AUTS2: variants seen among roughly 807,000 people sequenced by gnomAD.
AUTS2 encodes the protein activator of transcription and developmental regulator AUTS2, also known as autism susceptibility gene 2 protein.
AUTS2 carries 17 observed loss-of-function variants against 112.4 expected under a neutral mutation model. That is an observed-to-expected ratio of 0.15 (90% CI 0.10 to 0.23). The LOEUF is 0.23. Ranked by LOEUF, AUTS2 falls within the 10% of genes least tolerant of loss-of-function variation. The pLI, the probability that AUTS2 is intolerant of heterozygous loss-of-function variation, is 1.00. For synonymous variants in AUTS2, 751 were observed against 702.7 expected, an observed-to-expected ratio of 1.07 and a Z score of -1.09; for missense variants, 1,510 against 1,701.6, an observed-to-expected ratio of 0.89 and a Z score of 1.98.
chr7:69,728,223 G>A (rs191944310), intron 1 of AUTS2, among the ~76,000 whole-genome samples: 5 of 152,304 alleles, frequency 3.3e-5, no homozygotes, highest in Admixed American at 3.3e-4. Flanking sequence ...TCTCCCTGGG[G>A]CACATGGAGC....
At chr7:70,270,041 A>C (rs1437306082) in intron 4 of AUTS2, among the ~76,000 whole-genome samples, 1 of 150,984 alleles carries the variant, frequency 6.6e-6, no homozygotes, top group Non-Finnish European at 1.5e-5. Context: ...CTTGTCTCAA[A>C]AAAAACAAAC....
intron 5 of AUTS2, among the ~76,000 whole-genome samples, chr7:70,628,185 G>T (rs989183467): frequency 6.6e-6 from 1 of 152,088 alleles, no homozygotes; most frequent in African/African-American, 2.4e-5. Context: ...GTAAGCAGAG[G>T]CCAGATCAAA....
At chr7:69,818,837 A>G (rs1276407136) in intron 1 of AUTS2, among the ~76,000 whole-genome samples, 1 of 152,192 alleles carries the variant, frequency 6.6e-6, no homozygotes, top group Admixed American at 6.5e-5. Flanking sequence ...ATGCTCATAA[A>G]CACCTGGGTC....
chr7:69,610,361 G>C (rs976512240), intron 1 of AUTS2, among the ~76,000 whole-genome samples: 6 of 152,184 alleles, frequency 3.9e-5, no homozygotes, highest in African/African-American at 1.4e-4. Context: ...TCACTCTCTG[G>C]ACTGATATGT....
intron 5 of AUTS2, among the ~76,000 whole-genome samples, chr7:70,697,337 G>C (rs1254287683): frequency 2.0e-5 from 3 of 152,042 alleles, no homozygotes; most frequent in Non-Finnish European, 4.4e-5. Context: ...TAATCATATG[G>C]ACACCCCCAT....
intron 2 of AUTS2, among the ~76,000 whole-genome samples, chr7:69,936,161 C>G (rs1028936105): frequency 2.6e-5 from 4 of 151,974 alleles, no homozygotes; most frequent in African/African-American, 9.7e-5. Flanking sequence ...GAAGTAGTTA[C>G]TGTTTCTTTC....
intron 4 of AUTS2, among the ~76,000 whole-genome samples, chr7:70,302,283 C>T (rs965933044): frequency 3.3e-5 from 5 of 151,948 alleles, no homozygotes; most frequent in African/African-American, 9.7e-5. Flanking sequence ...CATGGTGGTG[C>T]AGGCTGGTAT....
intron 4 of AUTS2, among the ~76,000 whole-genome samples, chr7:70,171,152 C>G (rs541331135): frequency 6.6e-6 from 1 of 152,246 alleles, no homozygotes; most frequent in African/African-American, 2.4e-5. Flanking sequence ...GATAACTGAG[C>G]CTATTTCAAA....
At chr7:70,673,524 G>T (rs1318557341) in intron 5 of AUTS2, among the ~76,000 whole-genome samples, 1 of 151,960 alleles carries the variant, frequency 6.6e-6, no homozygotes, top group African/African-American at 2.4e-5. Context: ...GCACCACCAC[G>T]CCCAGCTGAT....
intron 3 of AUTS2, among the ~76,000 whole-genome samples, chr7:70,133,342 C>T (rs1035010): frequency 0.33 from 49,671 of 152,066 alleles, 8,881 homozygotes; most frequent in African/African-American, 0.48. Flanking sequence ...ATTTTTCTTA[C>T]ACATAATCCA....
At chr7:69,829,093 C>G (rs1791382404) in intron 1 of AUTS2, among the ~76,000 whole-genome samples, 1 of 152,108 alleles carries the variant, frequency 6.6e-6, no homozygotes. Context: ...GACCACACAT[C>G]TAAAACCAGC....
At chr7:70,029,118 T>G (rs1370872709) in intron 2 of AUTS2, among the ~76,000 whole-genome samples, 1 of 152,158 alleles carries the variant, frequency 6.6e-6, no homozygotes, top group Non-Finnish European at 1.5e-5. Context: ...ATTTGTTATT[T>G]TATCTTTCTG....
chr7:70,761,288 G>T (rs192637278), intron 6 of AUTS2, among the ~76,000 whole-genome samples: 1 of 152,242 alleles, frequency 6.6e-6, no homozygotes, highest in East Asian at 1.9e-4. Flanking sequence ...GTACAGTCCA[G>T]CCTAAACAAC....
Position 70,703,021 on chromosome 7 carries a change from T to C in AUTS2, c.742+4401T>C, listed in dbSNP as rs140874566. On this transcript the variant is annotated intron_variant, in intron 6 of 18. Transcript: ENST00000342771. ...AAAAATTGCCTGAAATCTGAGGAGATGAGGTAAGAAACAAGTTACCCAGCG... is the reference window on the plus strand; with the variant it reads ...AAAAATTGCCTGAAATCTGAGGAGACGAGGTAAGAAACAAGTTACCCAGCG... Among the ~76,000 whole-genome samples the C allele has an allele frequency of 2.8e-4, 43 of 152,280 alleles. No individual in the cohort carries two copies. In the East Asian group the frequency reaches 8.1e-3, roughly 29 times the overall value.
At chr7:70,060,867 T>C (rs896263480) in intron 2 of AUTS2, among the ~76,000 whole-genome samples, 1 of 152,122 alleles carries the variant, frequency 6.6e-6, no homozygotes, top group Non-Finnish European at 1.5e-5. Context: ...CTGACTGAGG[T>C]AGGTATTTCT....
chr7:70,183,678 A>G (rs1809445184), intron 4 of AUTS2, among the ~76,000 whole-genome samples: 1 of 152,168 alleles, frequency 6.6e-6, no homozygotes. Context: ...AGTGCTGCTC[A>G]GAGCCAGAAG....
chr7:70,572,181 C>T (rs1385557955), intron 5 of AUTS2, among the ~76,000 whole-genome samples: 5 of 152,086 alleles, frequency 3.3e-5, no homozygotes, highest in African/African-American at 4.8e-5. Context: ...AGCAGACCCA[C>T]GTGACACATG....
At chr7:70,439,560 A>G (rs1443841128) in intron 5 of AUTS2, among the ~76,000 whole-genome samples, 3 of 151,394 alleles carry the variant, frequency 2.0e-5, no homozygotes, top group African/African-American at 2.4e-5. Flanking sequence ...AAAAAAAAAA[A>G]AGATAGAAAT....
intron 4 of AUTS2, among the ~76,000 whole-genome samples, chr7:70,176,905 T>C (rs12698867): frequency 0.22 from 33,154 of 152,158 alleles, 3,598 homozygotes; most frequent in Middle Eastern, 0.33. Flanking sequence ...TGTGTTTTAA[T>C]AAGTAAATTT....
Sources: allele counts gnomAD v4.1 joint callset (sites outside exome capture counted in the v4.1 genomes callset), GRCh38; gene constraint gnomAD v4.1.1; transcripts MANE v1.5; gene names NCBI Gene and HGNC (gene_info 2026-07-23, HGNC 2026-07-21).